The following RANBP10 variants were observed in gnomAD, a reference collection of about 807,000 sequenced individuals.
RANBP10 encodes the protein RAN binding protein 10.
RANBP10 carries 24 observed loss-of-function variants against 72.8 expected under a neutral mutation model. That is an observed-to-expected ratio of 0.33 (90% CI 0.24 to 0.46). The LOEUF is 0.46. RANBP10 is among the 20% of genes least tolerant of loss of function. The pLI is 1.00. For missense variants in RANBP10, 679 were observed against 817.5 expected (o/e 0.83, Z 2.07); for synonymous variants, 310 against 322.3 (o/e 0.96, Z 0.41).
intron 2 of RANBP10, among the ~76,000 whole-genome samples, chr16:67,781,630 G>A (rs754917174): frequency 5.3e-5 from 8 of 152,192 alleles, no homozygotes; most frequent in Non-Finnish European, 8.8e-5. Flanking sequence ...AGAGAGGTGA[G>A]ACAGGAAGCA....
chr16:67,726,970 T>C (rs552098328), intron 13 of RANBP10, among the ~76,000 whole-genome samples: 1 of 152,292 alleles, frequency 6.6e-6, no homozygotes, highest in African/African-American at 2.4e-5. Context: ...ACCACCCAGG[T>C]AGCTATGGGC....
chr16:67,749,080 G>C (rs1253661577), intron 3 of RANBP10, among the ~76,000 whole-genome samples: 2 of 152,190 alleles, frequency 1.3e-5, no homozygotes, highest in South Asian at 4.1e-4. Flanking sequence ...CGAGGGCACA[G>C]GGTGTGGCCA....
At chr16:67,798,347 C>G (rs1171675470) in intron 2 of RANBP10, among the ~76,000 whole-genome samples, 1 of 152,198 alleles carries the variant, frequency 6.6e-6, no homozygotes, top group East Asian at 1.9e-4. Context: ...TAGACTGGAA[C>G]TTGGTGAGGG....
At chr16:67,751,341 A>G (rs1382111258) in intron 3 of RANBP10, among the ~76,000 whole-genome samples, 2 of 152,198 alleles carry the variant, frequency 1.3e-5, no homozygotes, top group Non-Finnish European at 2.9e-5. Flanking sequence ...TGACAAAACG[A>G]GCACAGAATT....
At chr16:67,784,522 G>A (rs1048915045) in intron 2 of RANBP10, among the ~76,000 whole-genome samples, 9 of 152,208 alleles carry the variant, frequency 5.9e-5, no homozygotes, top group African/African-American at 2.2e-4. Flanking sequence ...CGGGCGTGGT[G>A]GCCCATGCCT....
chr16:67,770,254 GC>G (rs2054584630), intron 3 of RANBP10, among the ~76,000 whole-genome samples: 2 of 151,944 alleles, frequency 1.3e-5, no homozygotes, highest in African/African-American at 4.8e-5. Flanking sequence ...CTTAGCCAAG[GC>G]CAGATGCTCA....
intron 2 of RANBP10, among the ~76,000 whole-genome samples, chr16:67,797,971 CAGAG>C (rs147008713): frequency 7.8e-6 from 1 of 127,840 alleles, no homozygotes; most frequent in Non-Finnish European, 1.6e-5. Flanking sequence ...GCCTGAGTGA[CAGAG>C]AGAGACCCTC....
intron 2 of RANBP10, among the ~76,000 whole-genome samples, chr16:67,803,056 C>T (rs2055265742): frequency 6.6e-6 from 1 of 152,150 alleles, no homozygotes; most frequent in South Asian, 2.1e-4. Flanking sequence ...ACTCCAGCAC[C>T]ACCATTTTAG....
chr16:67,774,058 G>A (rs1329838812), intron 2 of RANBP10, among the ~76,000 whole-genome samples: 1 of 152,236 alleles, frequency 6.6e-6, no homozygotes, highest in African/African-American at 2.4e-5. Flanking sequence ...GGCAGAGGCT[G>A]CCAAAAGTCA....
intron 3 of RANBP10, among the ~76,000 whole-genome samples, chr16:67,750,509 C>CATGAG (rs1046164825): frequency 4.1e-4 from 63 of 152,340 alleles, no homozygotes; most frequent in African/African-American, 1.5e-3. Flanking sequence ...CCCCCAAGAT[C>CATGAG]ATGAGCTCCT....
At chr16:67,784,938 G>C (rs868592482) in intron 2 of RANBP10, among the ~76,000 whole-genome samples, 1 of 151,912 alleles carries the variant, frequency 6.6e-6, no homozygotes, top group African/African-American at 2.4e-5. Flanking sequence ...GGCTGGGTGC[G>C]GTGGCTCACG....
intron 2 of RANBP10, among the ~76,000 whole-genome samples, chr16:67,774,956 T>C (rs2054674079): frequency 6.6e-6 from 1 of 152,150 alleles, no homozygotes; most frequent in African/African-American, 2.4e-5. Flanking sequence ...TTAAATTACA[T>C]GTCAATAACA....
intron 2 of RANBP10, among the ~76,000 whole-genome samples, chr16:67,783,614 G>C (rs2054853785): frequency 6.6e-6 from 1 of 152,044 alleles, no homozygotes; most frequent in Admixed American, 6.6e-5. Context: ...TAAACCAAAG[G>C]CTCCTAAGCT....
At chr16:67,761,371 C>A (rs1040740237) in intron 3 of RANBP10, among the ~76,000 whole-genome samples, 7 of 152,154 alleles carry the variant, frequency 4.6e-5, no homozygotes, top group African/African-American at 1.7e-4. Context: ...GATGTCCTTG[C>A]TGAGCCAGTG....
intron 3 of RANBP10, among the ~76,000 whole-genome samples, chr16:67,756,427 A>G (rs1185209959): frequency 6.6e-6 from 1 of 152,226 alleles, no homozygotes; most frequent in Non-Finnish European, 1.5e-5. Context: ...TCTCCCTCAC[A>G]AAGATAACCT....
At chr16:67,737,873 C>T (rs2053885562) in intron 5 of RANBP10, 140 bp downstream of exon 5, 1 of 1,148,256 alleles carries the variant, frequency 8.7e-7, no homozygotes, top group East Asian at 2.6e-5. Context: ...CCTCCTGGTA[C>T]CCTCAAGCTG....
chr16:67,739,130 A>T (rs947051850), intron 4 of RANBP10: 2 of 151,676 alleles, frequency 1.3e-5, no homozygotes, highest in Admixed American at 6.6e-5. Flanking sequence ...CGGCTAATAT[A>T]TATTTTTGTA....
chr16:67,782,758 T>C (rs9932907), intron 2 of RANBP10, among the ~76,000 whole-genome samples: 6 of 3,558 alleles, frequency 1.7e-3, no homozygotes, highest in Admixed American at 4.5e-3. Flanking sequence ...GGGCCAAAAA[T>C]CACTTTTAAG....
intron 2 of RANBP10, among the ~76,000 whole-genome samples, chr16:67,795,502 G>A (rs911471945): frequency 6.6e-6 from 1 of 151,946 alleles, no homozygotes; most frequent in Non-Finnish European, 1.5e-5. Flanking sequence ...TCGTGCCATT[G>A]TACTCCAGCC....
Sources: gnomAD v4.1 joint callset for allele counts (sites outside exome capture counted in the v4.1 genomes callset) on GRCh38, gnomAD v4.1.1 for gene constraint, MANE v1.5 for transcripts, NCBI Gene and HGNC (gene_info 2026-07-23, HGNC 2026-07-21) for gene names.